Variants in ZNF423 observed in about 807,000 individuals in gnomAD.
ZNF423 encodes the protein zinc finger protein 423, also known as Ebf-associated zinc finger protein.
In ZNF423, 12 loss-of-function variants were observed where a neutral mutation model predicts 95.8. The observed-to-expected ratio is 0.13, with a 90% CI of 0.08 to 0.20. The LOEUF (loss-of-function observed/expected upper bound fraction) is 0.20, where lower values mean the gene tolerates loss of function less well. Among genes scored for constraint, ZNF423 ranks in the 10% least tolerant of loss-of-function variants. The pLI is 1.00. For missense variants in ZNF423, 1,316 were observed against 1,737.1 expected (o/e 0.76, Z 4.31); for synonymous variants, 749 against 711.9 (o/e 1.05, Z -0.83).
intron 5 of ZNF423, among the ~76,000 whole-genome samples, chr16:49,577,695 A>G (rs192137865): frequency 6.6e-6 from 1 of 152,322 alleles, no homozygotes; most frequent in African/African-American, 2.4e-5. Context: ...TGGCAGCCAC[A>G]GGCAGTGCCG....
intron 3 of ZNF423, among the ~76,000 whole-genome samples, chr16:49,676,418 G>A (rs2031050977): frequency 6.6e-6 from 1 of 152,206 alleles, no homozygotes; most frequent in East Asian, 1.9e-4. Flanking sequence ...TTTAGTCCCA[G>A]AAGGGAAGGT....
At chr16:49,547,992 T>C (rs955162018) in intron 5 of ZNF423, among the ~76,000 whole-genome samples, 16 of 152,230 alleles carry the variant, frequency 1.1e-4, no homozygotes, top group Non-Finnish European at 1.8e-4. Flanking sequence ...ATGAATCGAT[T>C]TGAATTTTTT....
At chr16:49,789,676 G>A in intron 1 of ZNF423, 130 bp from the exon 2 acceptor site, 3 of 802,352 alleles carry the variant, frequency 3.7e-6, no homozygotes, top group South Asian at 2.2e-5. Context: ...GGGGAGAGGG[G>A]GCAAAGCCTA....
chr16:49,638,159 C>T lies in ZNF423; in HGVS notation c.1017G>A (p.Gln339=), dbSNP rs779613521. 1.1e-5 allele frequency: 18 copies of T among 1,610,034 alleles called. No homozygotes were observed. The Admixed American group carries it at 2.2e-4, about 19-fold the overall frequency. ...QKHKCPMCPE[Q]FSSVEGVYCH... ...AGTAGACACCTTCCACTGAGGAGAA[C>T]TGCTCAGGGCACATGGGGCACTTGT... Residue 339 remains glutamine (Q), a synonymous_variant, in exon 4 of 8, where the codon CAG becomes CAA. Coordinates refer to ENST00000563137, the MANE Select transcript of ZNF423 (RefSeq NM_001379286.1). This position sits in a 1 kb window ranked among gnomAD's most constrained non-coding sequence, Gnocchi z 5.6.
At chr16:49,572,366 A>C (rs962470450) in intron 5 of ZNF423, among the ~76,000 whole-genome samples, 14 of 152,166 alleles carry the variant, frequency 9.2e-5, no homozygotes, top group African/African-American at 2.4e-4. Context: ...GGGGGGAGTG[A>C]GGCACATGAG....
chr16:49,515,197 G>A (rs1968086256), intron 7 of ZNF423, among the ~76,000 whole-genome samples: 1 of 152,242 alleles, frequency 6.6e-6, no homozygotes, highest in South Asian at 2.1e-4. Context: ...CTGCAGCCTG[G>A]CAAACGTGGC....
intron 1 of ZNF423, among the ~76,000 whole-genome samples, chr16:49,817,084 C>A: frequency 6.6e-6 from 1 of 152,186 alleles, no homozygotes; most frequent in East Asian, 1.9e-4. Context: ...GTCTTTCCAG[C>A]AGAGAAGCAT....
intron 1 of ZNF423, among the ~76,000 whole-genome samples, chr16:49,825,855 G>A (rs928975812): frequency 5.1e-4 from 77 of 152,242 alleles, no homozygotes; most frequent in African/African-American, 1.8e-3. Flanking sequence ...GCGGTTCCAG[G>A]CCCTTTCCGA....
chr16:49,724,441 C>T (rs1342006995), intron 3 of ZNF423, among the ~76,000 whole-genome samples: 1 of 152,224 alleles, frequency 6.6e-6, no homozygotes, highest in Non-Finnish European at 1.5e-5. Context: ...AGAAGGAGCC[C>T]ACACCCAGCA....
intron 3 of ZNF423, among the ~76,000 whole-genome samples, chr16:49,710,994 C>T (rs1045788664): frequency 4.6e-5 from 7 of 152,276 alleles, no homozygotes; most frequent in South Asian, 4.1e-4. Context: ...ACTGACTCCC[C>T]TCTGTGGGCC....
intron 5 of ZNF423, among the ~76,000 whole-genome samples, chr16:49,622,211 C>T (rs1381480953): frequency 6.6e-6 from 1 of 152,144 alleles, no homozygotes; most frequent in Non-Finnish European, 1.5e-5. Context: ...CTTGCTGCCA[C>T]CTCTTGTGGT....
At chr16:49,525,969 G>A (rs776099693) in intron 5 of ZNF423, among the ~76,000 whole-genome samples, 3 of 152,216 alleles carry the variant, frequency 2.0e-5, no homozygotes, top group Non-Finnish European at 2.9e-5. Context: ...CACTCTGGTG[G>A]TGGGGTAGAC....
At chr16:49,825,593 A>G (rs905455125) in intron 1 of ZNF423, among the ~76,000 whole-genome samples, 3 of 152,154 alleles carry the variant, frequency 2.0e-5, no homozygotes, top group Non-Finnish European at 4.4e-5. Flanking sequence ...GAAGGAAGGC[A>G]GTGGGGGAGA....
At chr16:49,757,273 A>T (rs1406296511) in intron 2 of ZNF423, among the ~76,000 whole-genome samples, 6 of 152,082 alleles carry the variant, frequency 3.9e-5, no homozygotes, top group African/African-American at 1.4e-4. Flanking sequence ...TAGGTTCGTG[A>T]TGCTCTTCCT....
intron 5 of ZNF423, among the ~76,000 whole-genome samples, chr16:49,605,958 T>C (rs994931818): frequency 2.0e-5 from 3 of 152,136 alleles, no homozygotes; most frequent in African/African-American, 7.2e-5. Flanking sequence ...AGAAAAACAC[T>C]AGCCAAACAC....
intron 7 of ZNF423, among the ~76,000 whole-genome samples, chr16:49,502,541 C>A (rs1018173765): frequency 2.6e-5 from 4 of 151,868 alleles, no homozygotes; most frequent in Admixed American, 6.6e-5. Flanking sequence ...TCTGGAGAGA[C>A]AAGCGCCAGA....
At chr16:49,677,282 A>AAGGGAAGGGAAGG in intron 3 of ZNF423, among the ~76,000 whole-genome samples, 10 of 81,576 alleles carry the variant, frequency 1.2e-4, no homozygotes, top group Non-Finnish European at 1.8e-4. Context: ...AGAAGAGAAG[A>AAGGGAAGGGAAGG]GAAGAGAAGA....
Position 49,636,276 on chromosome 16 carries a change from T to A in ZNF423, c.2900A>T (p.Tyr967Phe), listed in dbSNP as rs760522262. The A allele has an allele frequency of 1.2e-6, 2 of 1,612,916 alleles. No homozygotes were observed. The highest frequency in any genetic ancestry group is 3.3e-5 in the Admixed American group (2 of 60,034). The change falls in exon 4 of 8, where the codon TAC becomes TTC. Residue 967 changes from tyrosine (Y) to phenylalanine (F), a missense_variant. Tyr to Phe is a conservative substitution (Grantham distance 22). Transcript: ENST00000563137. This position sits in a 1 kb window ranked among gnomAD's most constrained non-coding sequence, Gnocchi z 8.6. Reference sequence around the variant, plus strand: ...GCGCTCACCACAGATGGGACACATGTAGTGCTTGGCAGGGCCCCGGTGCGT... The same window carrying A: ...GCGCTCACCACAGATGGGACACATGAAGTGCTTGGCAGGGCCCCGGTGCGT... ...LQTHRGPAKH[Y>F]MCPICGERFP...
At chr16:49,666,734 G>A (rs989752109) in intron 3 of ZNF423, among the ~76,000 whole-genome samples, 5 of 152,194 alleles carry the variant, frequency 3.3e-5, no homozygotes, top group African/African-American at 7.2e-5. Flanking sequence ...AGGGAGGGCC[G>A]CTGGGTGCAC....
Sources: allele counts gnomAD v4.1 joint callset (sites outside exome capture counted in the v4.1 genomes callset), GRCh38; gene constraint gnomAD v4.1.1; non-coding constraint Gnocchi (gnomAD v3.1); transcripts MANE v1.5; gene names NCBI Gene and HGNC (gene_info 2026-07-23, HGNC 2026-07-21).